MECOM: variants seen among roughly 807,000 people sequenced by gnomAD.
The protein encoded by MECOM is histone-lysine N-methyltransferase MECOM.
A neutral mutation model predicts 116.3 loss-of-function variants in MECOM; 13 were observed. That is an observed-to-expected ratio of 0.11 (90% CI 0.07 to 0.18). The LOEUF (loss-of-function observed/expected upper bound fraction) is 0.18. MECOM is among the 10% of genes least tolerant of loss of function. The probability of loss-of-function intolerance (pLI) is 1.00; values close to 1 mark genes in which losing one functional copy is unlikely to be tolerated. For missense variants in MECOM, 1,299 were observed against 1,509.0 expected (o/e 0.86, Z 2.31); for synonymous variants, 528 against 535.2 (o/e 0.99, Z 0.19).
chr3:169,508,061 A>C (rs1329628032), intron 1 of MECOM, among the ~76,000 whole-genome samples: 1 of 152,196 alleles, frequency 6.6e-6, no homozygotes, highest in Non-Finnish European at 1.5e-5. Flanking sequence ...AGACTATTTC[A>C]AAAACTAAGT....
intron 2 of MECOM, among the ~76,000 whole-genome samples, chr3:169,226,260 A>G (rs1455717199): frequency 6.6e-6 from 1 of 152,202 alleles, no homozygotes; most frequent in Non-Finnish European, 1.5e-5. Flanking sequence ...GTTAGTCTTC[A>G]TTATATCTAA....
intron 2 of MECOM, among the ~76,000 whole-genome samples, chr3:169,191,085 A>G (rs1371045991): frequency 1.3e-5 from 2 of 151,944 alleles, no homozygotes; most frequent in African/African-American, 4.8e-5. Context: ...AGATTCCTGG[A>G]AGGTAGCTGT....
chr3:169,556,189 C>A (rs1325762079), intron 1 of MECOM, among the ~76,000 whole-genome samples: 1 of 152,170 alleles, frequency 6.6e-6, no homozygotes, highest in African/African-American at 2.4e-5. Flanking sequence ...ATTAAAGCTA[C>A]TTATTCCTAC....
intron 2 of MECOM, among the ~76,000 whole-genome samples, chr3:169,183,045 T>C (rs2149400233): frequency 6.6e-6 from 1 of 152,348 alleles, no homozygotes; most frequent in African/African-American, 2.4e-5. Flanking sequence ...AACCTCATGA[T>C]TCTCATCTCT....
At chr3:169,345,303 G>A (rs1156878488) in intron 2 of MECOM, among the ~76,000 whole-genome samples, 1 of 151,938 alleles carries the variant, frequency 6.6e-6, no homozygotes, top group Non-Finnish European at 1.5e-5. Flanking sequence ...GCAGTTTAAA[G>A]CTTATGCATT....
intron 1 of MECOM, among the ~76,000 whole-genome samples, chr3:169,405,566 C>T (rs1271587956): frequency 6.6e-6 from 1 of 152,120 alleles, no homozygotes; most frequent in East Asian, 1.9e-4. Flanking sequence ...TGTTCCAGAT[C>T]AATACAGACA....
chr3:169,200,776 A>G (rs1207808679), intron 2 of MECOM, among the ~76,000 whole-genome samples: 1 of 152,082 alleles, frequency 6.6e-6, no homozygotes, highest in Non-Finnish European at 1.5e-5. Context: ...TTCTCTGCCC[A>G]GGCCTAGAGA....
intron 1 of MECOM, among the ~76,000 whole-genome samples, chr3:169,475,187 G>A (rs1012286448): frequency 1.3e-5 from 2 of 152,052 alleles, no homozygotes; most frequent in Admixed American, 1.3e-4. Context: ...ATTCTATAGG[G>A]GAAAAAAGAC....
Position 169,334,645 on chromosome 3 carries a change from G to T in MECOM, c.375+46542C>A, listed in dbSNP as rs542078874. Among the ~76,000 whole-genome samples the T allele has an allele frequency of 3.3e-5, 5 of 152,234 alleles. No individual in the cohort carries two copies. The South Asian group carries it at 1.0e-3, about 32-fold the overall frequency. ...TGATCCTGTATAATAAGTACACTGGGAAGACAATCAAATATTTCCAACTCA... is the reference window on the plus strand; with the variant it reads ...TGATCCTGTATAATAAGTACACTGGTAAGACAATCAAATATTTCCAACTCA... On this transcript the variant is annotated intron_variant, in intron 2 of 16. Transcript: ENST00000651503.
chr3:169,396,782 C>A (rs1031372459), intron 1 of MECOM, among the ~76,000 whole-genome samples: 3 of 152,056 alleles, frequency 2.0e-5, no homozygotes, highest in Non-Finnish European at 2.9e-5. Context: ...ACCAGTGTGA[C>A]AAACCTGGTG....
At chr3:169,592,276 C>T (rs751311385) in intron 1 of MECOM, among the ~76,000 whole-genome samples, 19 of 152,234 alleles carry the variant, frequency 1.2e-4, no homozygotes, top group Non-Finnish European at 7.3e-5. Context: ...GGCATCAGCA[C>T]TGTGCTGTCC....
intron 1 of MECOM, among the ~76,000 whole-genome samples, chr3:169,652,107 C>T (rs988645492): frequency 6.6e-6 from 1 of 151,738 alleles, no homozygotes; most frequent in Non-Finnish European, 1.5e-5. Flanking sequence ...ATGGTTGAAC[C>T]CCCATTCAAC....
intron 2 of MECOM, among the ~76,000 whole-genome samples, chr3:169,377,123 A>T (rs748474049): frequency 1.3e-5 from 2 of 152,218 alleles, no homozygotes; most frequent in Non-Finnish European, 2.9e-5. Context: ...CTGGCAAGCC[A>T]TATGCAGAAA....
intron 1 of MECOM, among the ~76,000 whole-genome samples, chr3:169,576,475 T>A (rs1012785491): frequency 6.6e-6 from 1 of 152,116 alleles, no homozygotes; most frequent in East Asian, 1.9e-4. Context: ...GGTATTGGAA[T>A]TTTTATTCAG....
At chr3:169,187,295 T>C (rs1456750725) in intron 2 of MECOM, among the ~76,000 whole-genome samples, 1 of 152,182 alleles carries the variant, frequency 6.6e-6, no homozygotes, top group Non-Finnish European at 1.5e-5. Flanking sequence ...CAAACGCTAT[T>C]GAAACAAATG....
chr3:169,607,815 T>C (rs2109796201), intron 1 of MECOM, among the ~76,000 whole-genome samples: 1 of 152,370 alleles, frequency 6.6e-6, no homozygotes, highest in Admixed American at 6.5e-5. Flanking sequence ...TCCCACACAT[T>C]CATTAAATTT....
At chr3:169,621,806 G>C (rs533503190) in intron 1 of MECOM, among the ~76,000 whole-genome samples, 1 of 152,242 alleles carries the variant, frequency 6.6e-6, no homozygotes, top group South Asian at 2.1e-4. Flanking sequence ...AGTTGTTTTT[G>C]TAACCTCCTC....
rs919863395 is a variant in MECOM, at chr3:169,644,165, C to A, written c.37+19171G>T. ...TAGATTATCTCAAATAGTTATGATTCTGAAGCCCCACTCCTGAGGCTAGAA... is the reference window on the plus strand; with the variant it reads ...TAGATTATCTCAAATAGTTATGATTATGAAGCCCCACTCCTGAGGCTAGAA... On this transcript the variant is annotated intron_variant, in intron 1 of 16. Coordinates refer to ENST00000651503, the MANE Select transcript of MECOM (RefSeq NM_004991.4). 3.3e-5 allele frequency among the ~76,000 whole-genome samples: 5 copies of A among 152,124 alleles called. No individual in the cohort carries two copies. The East Asian group carries it at 9.6e-4, about 29-fold the overall frequency.
intron 2 of MECOM, among the ~76,000 whole-genome samples, chr3:169,198,214 T>C (rs963126412): frequency 6.6e-6 from 1 of 152,028 alleles, no homozygotes; most frequent in African/African-American, 2.4e-5. Flanking sequence ...AGATACCCTG[T>C]TTATTAAAAT....
Sources: gnomAD v4.1 joint callset for allele counts (sites outside exome capture counted in the v4.1 genomes callset) on GRCh38, gnomAD v4.1.1 for gene constraint, MANE v1.5 for transcripts, NCBI Gene and HGNC (gene_info 2026-07-23, HGNC 2026-07-21) for gene names.